The following KLF12 variants were observed in gnomAD, a reference collection of about 807,000 sequenced individuals.
KLF12 encodes the protein Krueppel-like factor 12.
Under a neutral mutation model 37.8 loss-of-function variants are expected in KLF12, and 9 were observed. That is an observed-to-expected ratio of 0.24 (90% CI 0.14 to 0.42). The LOEUF is 0.42. KLF12 is among the 10% of genes least tolerant of loss of function. The pLI, the probability that KLF12 is intolerant of heterozygous loss-of-function variation, is 1.00. For synonymous variants in KLF12, 208 were observed against 202.1 expected (o/e 1.03, Z -0.25); for missense variants, 411 against 516.0 (o/e 0.80, Z 1.97).
At chr13:73,791,356 T>G (rs1881676332) in intron 5 of KLF12, among the ~76,000 whole-genome samples, 1 of 152,342 alleles carries the variant, frequency 6.6e-6, no homozygotes, top group Admixed American at 6.5e-5. Flanking sequence ...CAGCAGAATT[T>G]CAATGCAATT....
At chr13:73,763,968 G>T (rs1030016271) in intron 6 of KLF12, among the ~76,000 whole-genome samples, 46 of 152,232 alleles carry the variant, frequency 3.0e-4, no homozygotes, top group Middle Eastern at 3.4e-3. Flanking sequence ...TTTCGTGGGG[G>T]AAGGGAGGTG....
the KLF12 span, among the ~76,000 whole-genome samples, chr13:74,208,419 A>G: frequency 5.9e-5 from 9 of 152,210 alleles, no homozygotes; most frequent in Non-Finnish European, 1.2e-4. Context: ...AGAAAAATAT[A>G]GTGCTACAAA....
At chr13:74,192,846 G>A in the KLF12 span, among the ~76,000 whole-genome samples, 12 of 152,170 alleles carry the variant, frequency 7.9e-5, no homozygotes, top group African/African-American at 2.4e-4. Flanking sequence ...TGCTGGCTTA[G>A]TGTTTATTCA....
chr13:73,993,758 A>C (rs1225992653), intron 2 of KLF12, among the ~76,000 whole-genome samples: 2 of 152,178 alleles, frequency 1.3e-5, no homozygotes, highest in Non-Finnish European at 2.9e-5. Context: ...CAATTGTTGA[A>C]TTTTAAGGAA....
chr13:74,304,875 T>C, the KLF12 span, among the ~76,000 whole-genome samples: 1 of 152,066 alleles, frequency 6.6e-6, no homozygotes, highest in Non-Finnish European at 1.5e-5. Context: ...AGAAAAAATA[T>C]TTTTCTTATT....
chr13:73,885,003 C>G (rs894612575), intron 3 of KLF12, among the ~76,000 whole-genome samples: 1 of 152,160 alleles, frequency 6.6e-6, no homozygotes, highest in South Asian at 2.1e-4. Flanking sequence ...TTGGCTCTAC[C>G]CATTGTGCTC....
intron 4 of KLF12, among the ~76,000 whole-genome samples, chr13:73,842,368 T>C (rs1393629023): frequency 6.6e-6 from 1 of 152,234 alleles, no homozygotes; most frequent in Admixed American, 6.5e-5. Context: ...ATCAGTTATT[T>C]GTTTCTATGA....
the KLF12 span, among the ~76,000 whole-genome samples, chr13:74,196,247 T>C: frequency 6.6e-6 from 1 of 152,162 alleles, no homozygotes; most frequent in Non-Finnish European, 1.5e-5. Context: ...CACCCTGCTC[T>C]GGAAATTAGG....
the KLF12 span, among the ~76,000 whole-genome samples, chr13:74,229,177 T>C: frequency 3.3e-5 from 5 of 152,352 alleles, no homozygotes; most frequent in African/African-American, 9.6e-5. Context: ...TCTGGCTTTT[T>C]GATTCTTGGA....
the KLF12 span, among the ~76,000 whole-genome samples, chr13:74,290,090 T>A: frequency 6.6e-6 from 1 of 152,136 alleles, no homozygotes. Context: ...CAGAAAACCA[T>A]CCATTAATCT....
chr13:74,202,403 A>T, the KLF12 span, among the ~76,000 whole-genome samples: 5 of 152,106 alleles, frequency 3.3e-5, no homozygotes, highest in Non-Finnish European at 7.4e-5. Flanking sequence ...ACCTGCAAAC[A>T]AACTCACACC....
At chr13:74,058,383 G>C (rs1873378122) in intron 1 of KLF12, among the ~76,000 whole-genome samples, 1 of 119,504 alleles carries the variant, frequency 8.4e-6, no homozygotes, top group African/African-American at 3.2e-5. Flanking sequence ...TTGAGACAGA[G>C]TCTCGCTCTG....
chr13:74,242,433 TA>T, the KLF12 span, among the ~76,000 whole-genome samples: 1 of 152,216 alleles, frequency 6.6e-6, no homozygotes. Flanking sequence ...AAACCCCTTA[TA>T]AAACCATCAG....
chr13:73,882,442 T>C (rs1408471498), intron 3 of KLF12, among the ~76,000 whole-genome samples: 2 of 152,202 alleles, frequency 1.3e-5, no homozygotes, highest in African/African-American at 2.4e-5. Context: ...AAAGTGTATA[T>C]AGATTTAAGG....
chr13:74,203,436 A>T, the KLF12 span, among the ~76,000 whole-genome samples: 3 of 152,140 alleles, frequency 2.0e-5, no homozygotes, highest in Non-Finnish European at 4.4e-5. Flanking sequence ...AAGAGTAAAA[A>T]ATCAAGCATC....
chr13:73,794,086 A>G (rs556945903), intron 5 of KLF12, among the ~76,000 whole-genome samples: 2 of 152,356 alleles, frequency 1.3e-5, no homozygotes, highest in Admixed American at 6.5e-5. Context: ...CAGGTCCACT[A>G]CTTGGCAGTG....
chr13:74,176,278 G>A, the KLF12 span, among the ~76,000 whole-genome samples: 1 of 152,150 alleles, frequency 6.6e-6, no homozygotes, highest in Non-Finnish European at 1.5e-5. Context: ...CCCTGTGAGA[G>A]TTGAACTCTA....
chr13:74,178,884 AC>A, the KLF12 span, among the ~76,000 whole-genome samples: 1 of 151,928 alleles, frequency 6.6e-6, no homozygotes, highest in East Asian at 1.9e-4. Context: ...TTTTTGCCTC[AC>A]CCCCAGTTTT....
the KLF12 span, among the ~76,000 whole-genome samples, chr13:74,219,490 C>T: frequency 1.3e-5 from 2 of 152,178 alleles, no homozygotes; most frequent in East Asian, 1.9e-4. Context: ...ATAAGCAATT[C>T]ATATACCTTG....
Sources: allele counts gnomAD v4.1 joint callset (sites outside exome capture counted in the v4.1 genomes callset), GRCh38; gene constraint gnomAD v4.1.1; transcripts MANE v1.5; gene names NCBI Gene and HGNC (gene_info 2026-07-23, HGNC 2026-07-21).